ZNF345: variants seen among roughly 807,000 people sequenced by gnomAD.
ZNF345 encodes the protein zinc finger protein HZF10.
For synonymous variants in ZNF345, 166 were observed against 187.9 expected (o/e 0.88, Z 0.95); for missense variants, 527 against 589.9 (o/e 0.89, Z 1.10).
rs2072925628 is a variant in ZNF345 at position 36,877,988 on chromosome 19, C to G, written c.1158C>G (p.Ile386Met). The G allele has an allele frequency of 6.2e-7, 1 of 1,612,412 alleles. No individual in the cohort carries two copies. The part of the protein sequence containing the change: ...GKAFGSGSKL[I>M]QHQLIHTGER... ...CCTTTGGTAGTGGCTCAAAACTTAT[C>G]CAACACCAGCTAATCCATACTGGTG... Residue 386 changes from isoleucine to methionine, a missense_variant, in exon 3 of 3, where the codon ATC becomes ATG. Physicochemically the swap from Ile to Met is conservative, Grantham distance 10. Coordinates refer to ENST00000420450, the MANE Select transcript of ZNF345 (RefSeq NM_001242472.2).
rs1479947549 is a variant in ZNF345 at position 36,878,605 on chromosome 19, C to G, written c.*308C>G. ...AAAACTCATTTCTGGGTTAATCCTA[C>G]TATATTTTTTCAATGGTCTTTTTTT... is the stretch of plus-strand genomic sequence containing the variant. On this transcript the variant is annotated 3_prime_UTR_variant, in exon 3 of 3. Transcript: ENST00000420450. The G allele has an allele frequency of 4.8e-6, 1 of 209,124 alleles. No homozygotes were observed. The highest frequency in any genetic ancestry group is 5.8e-5 in the Admixed American group (1 of 17,308). 13.0% of individuals were successfully genotyped at this position (209,124 alleles called of 1,614,324 possible).
At chr19:36,864,988 A>G (rs2072629041) in intron 2 of ZNF345, among the ~76,000 whole-genome samples, 1 of 152,202 alleles carries the variant, frequency 6.6e-6, no homozygotes, top group African/African-American at 2.4e-5. Context: ...CATTTGCTAC[A>G]AAACTTTCAG....
chr19:36,892,374 C>G (rs773625497), intron 3 of ZNF345: 11 of 1,613,228 alleles, frequency 6.8e-6, no homozygotes, highest in Non-Finnish European at 9.3e-6. Context: ...GAAATGTGGG[C>G]TGAATAAAAG....
downstream of ZNF345, among the ~76,000 whole-genome samples, chr19:36,882,460 G>C (rs1030979531): frequency 1.4e-5 from 2 of 147,294 alleles, no homozygotes; most frequent in Admixed American, 6.7e-5. Flanking sequence ...GTAGAGACGG[G>C]GTTTTACCAT....
In ZNF345 at chr19:36,878,116, AG is replaced by A. The variant is rs1473628932; in HGVS notation, c.1288del (p.Glu430SerfsTer58). ...IHTGEKPYEC[K>X]ECGKAFYSGS... ...ACTGGTGAGAAACCCTATGAATGTA[AG>A]GAGTGTGGGAAGGCTTTTTATAGTG... On this transcript the variant is annotated frameshift_variant, in exon 3 of 3. Transcript: ENST00000420450. LOFTEE classifies it low-confidence loss of function (END_TRUNC). The A allele has an allele frequency of 1.2e-6, 2 of 1,613,964 alleles. No homozygotes were observed. The highest frequency in any genetic ancestry group is 2.2e-5 in the East Asian group (1 of 44,880).
downstream of ZNF345, among the ~76,000 whole-genome samples, chr19:36,883,491 T>C (rs1255417419): frequency 1.3e-5 from 2 of 152,240 alleles, no homozygotes; most frequent in African/African-American, 4.8e-5. Context: ...TCTACACTAC[T>C]TGAATTATTT....
At chr19:36,855,447 C>CTTTTTTTT (rs34265794) in intron 2 of ZNF345, among the ~76,000 whole-genome samples, 1 of 58,574 alleles carries the variant, frequency 1.7e-5, no homozygotes, top group African/African-American at 7.0e-5. Context: ...CGAGCCTGGC[C>CTTTTTTTT]TTTTTTTTTT....
chr19:36,851,533 T>C (rs1176906078), intron 1 of ZNF345: 1 of 152,534 alleles, frequency 6.6e-6, no homozygotes, highest in East Asian at 1.9e-4. Context: ...GTCCCTGCGG[T>C]GTGAGTGAGT....
intron 2 of ZNF345, among the ~76,000 whole-genome samples, chr19:36,863,572 T>G (rs2146157969): frequency 6.6e-6 from 1 of 152,354 alleles, no homozygotes; most frequent in Admixed American, 6.5e-5. Context: ...GTGGCAAGAC[T>G]GTGAATTCAA....
At chr19:36,852,844 G>C (rs754652772) in intron 2 of ZNF345, among the ~76,000 whole-genome samples, 1 of 150,704 alleles carries the variant, frequency 6.6e-6, no homozygotes, top group Non-Finnish European at 1.5e-5. Context: ...ATTGATTCTT[G>C]GCCATTTGAA....
At chr19:36,884,865 A>G (rs929662343) in intron 3 of ZNF345, among the ~76,000 whole-genome samples, 1 of 152,188 alleles carries the variant, frequency 6.6e-6, no homozygotes. Context: ...AAGTTAATTT[A>G]TCACTATACA....
intron 2 of ZNF345, among the ~76,000 whole-genome samples, chr19:36,857,330 G>A (rs1032876004): frequency 6.0e-5 from 9 of 150,848 alleles, no homozygotes; most frequent in Non-Finnish European, 1.0e-4. Context: ...ATTTTGAGAC[G>A]GAGTCTTGCT....
At chr19:36,880,360 A>G (rs1363469282), downstream of ZNF345, among the ~76,000 whole-genome samples, 1 of 152,120 alleles carries the variant, frequency 6.6e-6, no homozygotes, top group African/African-American at 2.4e-5. Context: ...CTACAGAAAA[A>G]ATAATAAGAT....
chr19:36,864,355 T>C (rs977426067), intron 2 of ZNF345, among the ~76,000 whole-genome samples: 8 of 151,456 alleles, frequency 5.3e-5, no homozygotes, highest in African/African-American at 1.9e-4. Context: ...AAAAGAAAAA[T>C]AAAACAGCCA....
At chr19:36,887,206 C>A (rs932559949) in intron 3 of ZNF345, among the ~76,000 whole-genome samples, 13 of 150,764 alleles carry the variant, frequency 8.6e-5, no homozygotes, top group Non-Finnish European at 1.6e-4. Flanking sequence ...CCAACAACAA[C>A]AAAAAAAACA....
At chr19:36,868,355 T>C (rs1332301896) in intron 2 of ZNF345, among the ~76,000 whole-genome samples, 1 of 152,146 alleles carries the variant, frequency 6.6e-6, no homozygotes, top group East Asian at 1.9e-4. Flanking sequence ...CAATACCATT[T>C]TTTGAAGAGA....
intron 2 of ZNF345, among the ~76,000 whole-genome samples, chr19:36,869,134 G>A (rs2072724579): frequency 3.3e-5 from 5 of 151,972 alleles, no homozygotes; most frequent in Admixed American, 2.6e-4. Flanking sequence ...CAGTAAATCT[G>A]CCCTTACTTT....
chr19:36,861,290 T>C (rs1157029268), intron 2 of ZNF345, among the ~76,000 whole-genome samples: 1 of 152,186 alleles, frequency 6.6e-6, no homozygotes, highest in East Asian at 1.9e-4. Context: ...TCTAAAGAGC[T>C]CTGGTTCCTT....
Position 36,878,132 on chromosome 19 carries a change from T to C in ZNF345, c.1302T>C (p.Ala434=), listed in dbSNP as rs1171166983. 6 of 1,613,942 alleles carry C rather than the reference T, an allele frequency of 3.7e-6. No homozygotes were observed. In the Admixed American group the frequency reaches 6.7e-5, roughly 18 times the overall value. ...ATGAATGTAAGGAGTGTGGGAAGGC[T>C]TTTTATAGTGGCTCAAGCCTTACTC... ...KPYECKECGK[A]FYSGSSLTQH... The change falls in exon 3 of 3, where the codon GCT becomes GCC. Residue 434 remains alanine (A), a synonymous_variant. Transcript: ENST00000420450.
Sources: gnomAD v4.1 joint callset for allele counts (sites outside exome capture counted in the v4.1 genomes callset) on GRCh38, gnomAD v4.1.1 for gene constraint, MANE v1.5 for transcripts, NCBI Gene and HGNC (gene_info 2026-07-23, HGNC 2026-07-21) for gene names.